Variants in HAUS6 observed in about 807,000 individuals in gnomAD.
HAUS6 encodes HAUS augmin-like complex subunit 6.
Under a neutral mutation model 106.8 loss-of-function variants are expected in HAUS6, and 80 were observed. The observed-to-expected ratio is 0.75, with a 90% CI of 0.63 to 0.90. HAUS6 has a LOEUF of 0.90. Ranked by LOEUF, HAUS6 falls within the 40% of genes least tolerant of loss-of-function variation. The probability of loss-of-function intolerance (pLI) is 0.00; values close to 1 mark genes in which losing one functional copy is unlikely to be tolerated. For synonymous variants in HAUS6, 356 were observed against 379.1 expected, an observed-to-expected ratio of 0.94 and a Z score of 0.71; for missense variants, 1,155 against 1,118.1, an observed-to-expected ratio of 1.03 and a Z score of -0.47.
chr9:19,080,999 G>C (rs898727958), intron 8 of HAUS6, among the ~76,000 whole-genome samples: 5 of 152,028 alleles, frequency 3.3e-5, no homozygotes, highest in Non-Finnish European at 7.4e-5. Context: ...TTGAACCCAA[G>C]AGGCAGAGGT....
Position 19,063,572 on chromosome 9 carries a change from G to C in HAUS6, c.1385C>G (p.Ser462Cys). 1.2e-6 allele frequency: 2 copies of C among 1,604,460 alleles called. No homozygotes were observed. Among genetic ancestry groups the C allele is most frequent in the Non-Finnish European group, 1.7e-6 (2 of 1,171,198 alleles). ...TGATGAAACTGACTGCGACAAGAAAGAGGCAGGGCTAAAAGGAAAAAAGAC... is the reference window on the plus strand; with the variant it reads ...TGATGAAACTGACTGCGACAAGAAACAGGCAGGGCTAAAAGGAAAAAAGAC... ...ALHDLANSPASFLSQSVSSSD... is the reference protein window; with the variant it reads ...ALHDLANSPACFLSQSVSSSD... The change falls in exon 13 of 17, where the codon TCT (serine) becomes TGT (cysteine). Residue 462 changes from serine (S) to cysteine (C), a missense_variant. By Grantham distance (112) the Ser-to-Cys change is moderately radical. Around this residue, in one of 3 missense-constraint regions of HAUS6, gnomAD observed 761 missense variants for 690.0 expected, o/e 1.10. Coordinates refer to ENST00000380502, the MANE Select transcript of HAUS6 (RefSeq NM_017645.5).
intron 8 of HAUS6, among the ~76,000 whole-genome samples, chr9:19,081,475 C>T (rs866945773): frequency 2.6e-5 from 4 of 151,942 alleles, no homozygotes; most frequent in Middle Eastern, 6.8e-3. Flanking sequence ...GAATCCCACT[C>T]TGTCTCCCAG....
chr9:19,084,953 G>T (rs1483891616), intron 7 of HAUS6, among the ~76,000 whole-genome samples: 1 of 151,718 alleles, frequency 6.6e-6, no homozygotes, highest in Non-Finnish European at 1.5e-5. Context: ...TTTTAAGACG[G>T]GTCTCGCTCT....
intron 1 of HAUS6, among the ~76,000 whole-genome samples, chr9:19,098,035 C>T (rs188340319): frequency 2.6e-5 from 4 of 152,330 alleles, no homozygotes; most frequent in African/African-American, 9.6e-5. Flanking sequence ...TACTTCCTTA[C>T]CATCTCTCAA....
chr9:19,099,376 T>C (rs202023013), intron 1 of HAUS6, among the ~76,000 whole-genome samples: 2 of 152,038 alleles, frequency 1.3e-5, no homozygotes, highest in Admixed American at 1.3e-4. Flanking sequence ...CCGTGTTAGC[T>C]AGGATGGTCT....
intron 2 of HAUS6, among the ~76,000 whole-genome samples, chr9:19,094,852 A>C (rs1352909541): frequency 6.6e-6 from 1 of 152,156 alleles, no homozygotes; most frequent in Non-Finnish European, 1.5e-5. Context: ...GAGAGACACC[A>C]ACCTGTGAGA....
chr9:19,089,635 G>A (rs185141484), intron 4 of HAUS6, 76 bp from the exon 5 acceptor site: 10 of 1,065,656 alleles, frequency 9.4e-6, no homozygotes, highest in Middle Eastern at 2.6e-4. Flanking sequence ...GAACATTAGT[G>A]TCACTAACGT....
At chr9:19,077,291 T>A (rs945599416) in intron 10 of HAUS6, among the ~76,000 whole-genome samples, 3 of 152,158 alleles carry the variant, frequency 2.0e-5, no homozygotes, top group Non-Finnish European at 4.4e-5. Context: ...TCCCAGCACT[T>A]TGGGAGGCAG....
chr9:19,096,419 G>C (rs938506165), intron 2 of HAUS6, among the ~76,000 whole-genome samples: 1 of 151,986 alleles, frequency 6.6e-6, no homozygotes, highest in African/African-American at 2.4e-5. Flanking sequence ...GCAAAACTTA[G>C]CTAGGCGTCG....
chr9:19,084,546 G>T (rs922441715), intron 7 of HAUS6, among the ~76,000 whole-genome samples: 1 of 151,050 alleles, frequency 6.6e-6, no homozygotes, highest in East Asian at 1.9e-4. Flanking sequence ...AGGGAGGGAG[G>T]TGGAGAAATA....
intron 2 of HAUS6, among the ~76,000 whole-genome samples, chr9:19,095,609 C>T (rs1817845033): frequency 6.6e-6 from 1 of 151,760 alleles, no homozygotes; most frequent in Non-Finnish European, 1.5e-5. Context: ...TATTATCCTG[C>T]ATACTCAGAA....
chr9:19,058,057 T>G lies in HAUS6; in HGVS notation c.2710A>C (p.Lys904Gln), dbSNP rs200841251. Residue 904 changes from lysine (K) to glutamine (Q), a missense_variant, in exon 16 of 17, where the codon AAA becomes CAA. Lys to Gln is a moderately conservative substitution (Grantham distance 53). Around this residue, in one of 3 missense-constraint regions of HAUS6, gnomAD observed 380 missense variants for 394.8 expected, o/e 0.96. Coordinates refer to ENST00000380502, the MANE Select transcript of HAUS6 (RefSeq NM_017645.5). ...PSLRTSIGER[K>Q]RSLSPLIKFS... ...TTAATTAGTGGTGAAAGAGACCGTT[T>G]TCTTTCACCGATGGACGTGCGTAAA... 53 of 1,611,948 alleles carry G rather than the reference T, an allele frequency of 3.3e-5. 1 individual carries two copies. In the East Asian group the frequency reaches 1.2e-3, roughly 36 times the overall value.
intron 2 of HAUS6, among the ~76,000 whole-genome samples, chr9:19,094,693 A>G (rs1447509395): frequency 6.6e-6 from 1 of 152,098 alleles, no homozygotes; most frequent in African/African-American, 2.4e-5. Context: ...TCGGGAGCTG[A>G]GGCACGAGTA....
At chr9:19,099,755 T>TA (rs1242651157) in intron 1 of HAUS6, among the ~76,000 whole-genome samples, 1 of 152,178 alleles carries the variant, frequency 6.6e-6, no homozygotes, top group African/African-American at 2.4e-5. Context: ...CGAGCAATTT[T>TA]AAAAGTAACT....
intron 14 of HAUS6, among the ~76,000 whole-genome samples, chr9:19,062,799 G>C (rs1475363195): frequency 6.6e-6 from 1 of 152,096 alleles, no homozygotes; most frequent in Non-Finnish European, 1.5e-5. Flanking sequence ...GTAAGTAGCT[G>C]GGACTTCAGA....
At chr9:19,068,318 G>A (rs931041113) in intron 12 of HAUS6, among the ~76,000 whole-genome samples, 1 of 151,802 alleles carries the variant, frequency 6.6e-6, no homozygotes, top group Non-Finnish European at 1.5e-5. Flanking sequence ...ATCAAATCCA[G>A]ATAGACTAAA....
chr9:19,091,077 G>A (rs1041565076), intron 4 of HAUS6, among the ~76,000 whole-genome samples: 7 of 151,998 alleles, frequency 4.6e-5, no homozygotes, highest in Non-Finnish European at 8.8e-5. Flanking sequence ...GAGGCGGGTG[G>A]ATCACAAGGT....
At chr9:19,101,291 C>CG (rs895721983) in intron 1 of HAUS6, among the ~76,000 whole-genome samples, 5 of 152,098 alleles carry the variant, frequency 3.3e-5, no homozygotes, top group Non-Finnish European at 5.9e-5. Context: ...GTGGCCAAGG[C>CG]GGGGGGATTG....
chr9:19,102,397 C>A, intron 1 of HAUS6, 127 bp downstream of exon 1: 2 of 1,033,552 alleles, frequency 1.9e-6, no homozygotes, highest in Non-Finnish European at 2.8e-6. Flanking sequence ...ACTTTGGAGC[C>A]AATGCCTGGC....
Sources: allele counts gnomAD v4.1 joint callset (sites outside exome capture counted in the v4.1 genomes callset), GRCh38; gene constraint gnomAD v4.1.1; regional missense constraint gnomAD v4.1.1; transcripts MANE v1.5; gene names NCBI Gene and HGNC (gene_info 2026-07-23, HGNC 2026-07-21).